GALNT2: variants seen among roughly 807,000 people sequenced by gnomAD.
GALNT2 encodes polypeptide N-acetylgalactosaminyltransferase 2.
GALNT2 carries 31 observed loss-of-function variants against 81.4 expected under a neutral mutation model. The ratio of observed to expected loss-of-function variants is 0.38; its 90% CI spans 0.29 to 0.51. The LOEUF (loss-of-function observed/expected upper bound fraction) is 0.51. GALNT2 is among the 20% of genes least tolerant of loss of function. The pLI is 0.87. For synonymous variants in GALNT2, 303 were observed against 287.4 expected, an observed-to-expected ratio of 1.05 and a Z score of -0.55; for missense variants, 629 against 765.7, an observed-to-expected ratio of 0.82 and a Z score of 2.11.
At chr1:230,123,644 A>C (rs1293183154) in intron 1 of GALNT2, among the ~76,000 whole-genome samples, 1 of 152,210 alleles carries the variant, frequency 6.6e-6, no homozygotes, top group African/African-American at 2.4e-5. Context: ...CTTTGTGGAA[A>C]TAGACCTTGA....
At chr1:230,197,568 G>A (rs930885723) in intron 2 of GALNT2, among the ~76,000 whole-genome samples, 8 of 152,268 alleles carry the variant, frequency 5.3e-5, no homozygotes, top group Non-Finnish European at 7.4e-5. Context: ...GTTTGTGTTC[G>A]GTCATTTCTG....
chr1:230,265,779 G>A (rs529113202), intron 14 of GALNT2, among the ~76,000 whole-genome samples: 2 of 152,362 alleles, frequency 1.3e-5, no homozygotes, highest in African/African-American at 4.8e-5. Flanking sequence ...ATTCTTAACT[G>A]TGGGCACTAA....
chr1:230,265,470 G>A, intron 14 of GALNT2, 103 bp downstream of exon 14: 1 of 1,516,346 alleles, frequency 6.6e-7, no homozygotes. Context: ...TCCTGGGATG[G>A]GTGATGTCTA....
chr1:230,139,567 T>C (rs1293128361), intron 1 of GALNT2, among the ~76,000 whole-genome samples: 1 of 152,204 alleles, frequency 6.6e-6, no homozygotes, highest in African/African-American at 2.4e-5. Context: ...ACTGTAAGCC[T>C]ATCAGGCAGT....
intron 3 of GALNT2, among the ~76,000 whole-genome samples, chr1:230,204,146 CCTT>C (rs200719313): frequency 7.0e-4 from 103 of 147,324 alleles, no homozygotes; most frequent in Middle Eastern, 6.9e-3. Context: ...CTCCTGACCT[CCTT>C]CTTTTTCTTT....
chr1:230,190,440 G>A lies in GALNT2; in HGVS notation c.220+12129G>A, dbSNP rs184010253. 7.5e-4 allele frequency among the ~76,000 whole-genome samples: 114 copies of A among 152,308 alleles called. 1 individual carries two copies. The highest frequency in any genetic ancestry group is 1.6e-4 in the Non-Finnish European group (11 of 68,022). On this transcript the variant is annotated intron_variant, in intron 2 of 15. Transcript: ENST00000366672. ...GGACCAAATGCTCCTGAAGCATCTG[G>A]CCTCTCTGACAACAGGTCCTGAGTT...
Position 230,110,714 on chromosome 1 carries a change from G to GT in GALNT2, c.126+43322dup, listed in dbSNP as rs113630188. 7.2e-3 allele frequency among the ~76,000 whole-genome samples: 986 copies of GT among 137,610 alleles called. 10 individuals are homozygous for GT. The highest frequency in any genetic ancestry group is 0.012 in the African/African-American group (437 of 37,222). 90.3% of individuals were successfully genotyped at this position (137,610 alleles called of 152,430 possible). A position where few individuals can be genotyped will look rare whatever the true frequency, so the allele number is the denominator to read the frequency against. ...GGGTCTCTCTCAGCTGTGCTTTTCT[G>GT]TTTTTTTTTTTTTTGTCTTCAATAG... is the stretch of plus-strand genomic sequence containing the variant. On this transcript the variant is annotated intron_variant, in intron 1 of 15. Coordinates refer to ENST00000366672, the MANE Select transcript of GALNT2 (RefSeq NM_004481.5).
At chr1:230,212,505 C>T (rs537690659) in intron 3 of GALNT2, among the ~76,000 whole-genome samples, 53 of 152,232 alleles carry the variant, frequency 3.5e-4, no homozygotes, top group African/African-American at 1.2e-3. Context: ...TTGCTGATGC[C>T]GTTCAGGAAG....
At chr1:230,213,699 T>C (rs1311639127) in intron 3 of GALNT2, among the ~76,000 whole-genome samples, 1 of 152,254 alleles carries the variant, frequency 6.6e-6, no homozygotes, top group African/African-American at 2.4e-5. Flanking sequence ...ACCTGCTTTG[T>C]GTTTCTTTTT....
At chr1:230,111,622 G>A (rs10489614) in intron 1 of GALNT2, among the ~76,000 whole-genome samples, 65,265 of 152,106 alleles carry the variant, frequency 0.43, 14,018 homozygotes, top group South Asian at 0.53. Flanking sequence ...TCCCAGAGCC[G>A]ATACTTGAAC....
At chr1:230,196,836 A>AT (rs371509860) in intron 2 of GALNT2, among the ~76,000 whole-genome samples, 46 of 152,246 alleles carry the variant, frequency 3.0e-4, no homozygotes, top group Middle Eastern at 6.8e-3. Context: ...GAAGGTGCCC[A>AT]TGGCATGCAC....
At chr1:230,130,799 TGA>T (rs1240774926) in intron 1 of GALNT2, among the ~76,000 whole-genome samples, 3 of 152,106 alleles carry the variant, frequency 2.0e-5, no homozygotes, top group African/African-American at 7.2e-5. Context: ...ACCACTTTAA[TGA>T]GTTTATGGGA....
intron 14 of GALNT2, among the ~76,000 whole-genome samples, chr1:230,269,030 C>T (rs888929526): frequency 5.3e-5 from 8 of 152,346 alleles, no homozygotes; most frequent in African/African-American, 1.9e-4. Context: ...GCAGCCATTA[C>T]TGTTCTCACA....
intron 6 of GALNT2, among the ~76,000 whole-genome samples, chr1:230,238,955 T>C (rs964242656): frequency 1.3e-5 from 2 of 152,172 alleles, no homozygotes; most frequent in Non-Finnish European, 2.9e-5. Flanking sequence ...AATTAGCCAG[T>C]CTGGACCAAG....
At chr1:230,223,916 G>T (rs905468065) in intron 3 of GALNT2, among the ~76,000 whole-genome samples, 3 of 152,218 alleles carry the variant, frequency 2.0e-5, no homozygotes, top group Non-Finnish European at 4.4e-5. Context: ...GGGTCCCACA[G>T]ACTCCATTAT....
At chr1:230,249,825 A>T (rs1433177560) in intron 9 of GALNT2, among the ~76,000 whole-genome samples, 1 of 152,208 alleles carries the variant, frequency 6.6e-6, no homozygotes, top group Non-Finnish European at 1.5e-5. Context: ...TTAGCGCTGA[A>T]ATATATTTGC....
chr1:230,226,581 G>C (rs951881523), intron 3 of GALNT2, among the ~76,000 whole-genome samples: 1 of 152,206 alleles, frequency 6.6e-6, no homozygotes, highest in Non-Finnish European at 1.5e-5. Context: ...GAGAAGGAAA[G>C]GTCCACGTGG....
chr1:230,139,908 G>C (rs1020714172), intron 1 of GALNT2, among the ~76,000 whole-genome samples: 6 of 152,192 alleles, frequency 3.9e-5, no homozygotes, highest in African/African-American at 1.4e-4. Context: ...TGTCCTGTGG[G>C]CTGGTCATTC....
intron 1 of GALNT2, among the ~76,000 whole-genome samples, chr1:230,116,638 G>T (rs1322940615): frequency 1.3e-5 from 2 of 152,338 alleles, no homozygotes; most frequent in East Asian, 3.9e-4. Context: ...ACCTCCTTGT[G>T]CATCTCCATC....
Sources: gnomAD v4.1 joint callset for allele counts (sites outside exome capture counted in the v4.1 genomes callset) on GRCh38, gnomAD v4.1.1 for gene constraint, MANE v1.5 for transcripts, NCBI Gene and HGNC (gene_info 2026-07-23, HGNC 2026-07-21) for gene names.